The following CDC25A variants were observed in gnomAD, a reference collection of about 807,000 sequenced individuals.
The protein encoded by CDC25A is cell division cycle 25A.
A neutral mutation model predicts 64.6 loss-of-function variants in CDC25A; 17 were observed. That is an observed-to-expected ratio of 0.26 (90% CI 0.18 to 0.39). The LOEUF (loss-of-function observed/expected upper bound fraction) is 0.39, where lower values mean the gene tolerates loss of function less well. Among genes scored for constraint, CDC25A ranks in the 10% least tolerant of loss-of-function variants. The pLI, the probability that CDC25A is intolerant of heterozygous loss-of-function variation, is 1.00. For missense variants in CDC25A, 473 were observed against 654.8 expected (o/e 0.72, Z 3.03); for synonymous variants, 229 against 238.6 (o/e 0.96, Z 0.37).
intron 12 of CDC25A, among the ~76,000 whole-genome samples, chr3:48,164,836 C>T (rs1013367389): frequency 4.0e-5 from 6 of 151,780 alleles, no homozygotes; most frequent in Non-Finnish European, 5.9e-5. Flanking sequence ...GGCCAGGCGC[C>T]GTGGCTCATG....
At chr3:48,171,335 C>G (rs1275622158) in intron 9 of CDC25A, among the ~76,000 whole-genome samples, 1 of 151,584 alleles carries the variant, frequency 6.6e-6, no homozygotes, top group African/African-American at 2.4e-5. Context: ...GATCCTGCCA[C>G]TGCACTCCAG....
intron 7 of CDC25A, 123 bp from the exon 8 acceptor site, chr3:48,177,565 T>C: frequency 2.7e-6 from 2 of 730,776 alleles, no homozygotes; most frequent in East Asian, 2.6e-5. Context: ...ATCCTTAATG[T>C]ACCATCCTAT....
chr3:48,165,114 A>AAAAAAAAAAAAG lies in CDC25A; in HGVS notation c.1191+521_1191+522insCTTTTTTTTTTT, dbSNP rs2031949499. Among the ~76,000 whole-genome samples the AAAAAAAAAAAAG allele has an allele frequency of 2.0e-5, 3 of 150,924 alleles. No individual in the cohort carries two copies. In the South Asian group the frequency reaches 6.3e-4, roughly 32 times the overall value. On this transcript the variant is annotated intron_variant, in intron 12 of 14. Coordinates refer to ENST00000302506, the MANE Select transcript of CDC25A (RefSeq NM_001789.3). ...ACAGAGCGGACTCTGTCTCAAAAAA[A>AAAAAAAAAAAAG]AAAAAAAAAAAAGATTAAAATGGCA...
At position 48,187,950 on chromosome 3, in the gene CDC25A, C is replaced by A. The variant is rs764747002; in HGVS notation, c.-3G>T. 9 of 1,482,634 alleles carry A rather than the reference C, an allele frequency of 6.1e-6. No individual in the cohort carries two copies. The Middle Eastern group carries it at 9.6e-4, about 158-fold the overall frequency. 91.8% of individuals were successfully genotyped at this position (1,482,634 alleles called of 1,614,324 possible). On this transcript the variant is annotated 5_prime_UTR_variant, in exon 1 of 15. Coordinates refer to ENST00000302506, the MANE Select transcript of CDC25A (RefSeq NM_001789.3). ...GGGGGCTCCGGGCCCAGTTCCATGG[C>A]GGCGCCCGGCCTCGCAGAGCTCCCG...
In CDC25A at chr3:48,167,921, C is replaced by T; in HGVS notation, c.954G>A (p.Leu318=). The change falls in exon 10 of 15, where the codon CTG becomes CTA. Residue 318 remains leucine, a synonymous_variant. Coordinates refer to ENST00000302506, the MANE Select transcript of CDC25A (RefSeq NM_001789.3). The part of the protein sequence containing the change: ...AHETLHQSLS[L]ASSPKGTIEN... ...CAATGGTTCCTTTGGGGGAAGATGC[C>T]AGGGATAAAGACTGATGAAGAGTCT... is the stretch of plus-strand genomic sequence containing the variant. 1 of 1,607,844 alleles carries T rather than the reference C, an allele frequency of 6.2e-7. No homozygotes were observed. Among genetic ancestry groups the T allele is most frequent in the Non-Finnish European group, 8.5e-7 (1 of 1,174,528 alleles).
chr3:48,186,652 C>T, intron 2 of CDC25A, 51 bp downstream of exon 2: 1 of 1,149,764 alleles, frequency 8.7e-7, no homozygotes, highest in Non-Finnish European at 1.3e-6. Flanking sequence ...GGTGAAAAGG[C>T]ATGTTTCAGG....
Position 48,157,460 on chromosome 3 carries a change from C to G in CDC25A, c.*1485G>C, listed in dbSNP as rs867885902. 1 of 152,578 alleles carries G rather than the reference C, an allele frequency of 6.6e-6. No individual in the cohort carries two copies. Among genetic ancestry groups the G allele is most frequent in the Non-Finnish European group, 1.5e-5 (1 of 68,048 alleles). 9.5% of individuals were successfully genotyped at this position (152,578 alleles called of 1,614,324 possible). On this transcript the variant is annotated 3_prime_UTR_variant, in exon 15 of 15. Coordinates refer to ENST00000302506, the MANE Select transcript of CDC25A (RefSeq NM_001789.3). ...ATCTCCAGTATCACTGATTCCCACC[C>G]CAAGAAGTTGAGGTAAGAGGGGAGA...
chr3:48,159,115 G>A, intron 14 of CDC25A, 30 bp from the exon 15 acceptor site: 6 of 1,609,814 alleles, frequency 3.7e-6, no homozygotes, highest in Non-Finnish European at 5.1e-6. Flanking sequence ...TAAGGTTAGG[G>A]TACACCTGCC....
At chr3:48,186,158 G>C (rs544179486) in intron 2 of CDC25A, among the ~76,000 whole-genome samples, 1 of 152,322 alleles carries the variant, frequency 6.6e-6, no homozygotes, top group African/African-American at 2.4e-5. Flanking sequence ...CAGTGGTATG[G>C]TGAATTATAC....
intron 8 of CDC25A, among the ~76,000 whole-genome samples, chr3:48,176,550 T>C (rs1408549616): frequency 1.4e-5 from 2 of 146,560 alleles, no homozygotes; most frequent in African/African-American, 4.9e-5. Context: ...TATATATATA[T>C]ATATATATAA....
chr3:48,161,831 C>T (rs1011359053), intron 13 of CDC25A, among the ~76,000 whole-genome samples: 1 of 152,034 alleles, frequency 6.6e-6, no homozygotes, highest in Admixed American at 6.6e-5. Context: ...GAGGCTGAGG[C>T]GGGTAGATCA....
At chr3:48,184,223 G>A (rs1231547174) in intron 3 of CDC25A, among the ~76,000 whole-genome samples, 1 of 152,018 alleles carries the variant, frequency 6.6e-6, no homozygotes, top group Non-Finnish European at 1.5e-5. Flanking sequence ...TTAACCGGGT[G>A]TGGTGGTGCA....
chr3:48,165,948 C>T, intron 10 of CDC25A, 55 bp from the exon 11 acceptor site: 5 of 1,193,198 alleles, frequency 4.2e-6, no homozygotes, highest in South Asian at 3.8e-5. Context: ...ATTATTCACA[C>T]TTATACTGTT....
rs756286568 is a variant in CDC25A, at chr3:48,159,029, G to C, written c.1491C>G (p.Asp497Glu). Residue 497 changes from aspartate to glutamate, a missense_variant, in exon 15 of 15, where the codon GAC (aspartate) becomes GAG (glutamate). Transcript: ENST00000302506. ...GGCTCTTGGTGCGGAACTTCTTCAG[G>C]TCTTCTTTAAAGTCCTCGTGGTGCA... ...RPMHHEDFKE[D>E]LKKFRTKSRT... 8 of 1,613,950 alleles carry C rather than the reference G, an allele frequency of 5.0e-6. No homozygotes were observed. Among genetic ancestry groups the C allele is most frequent in the South Asian group, 1.1e-5 (1 of 91,074 alleles).
intron 12 of CDC25A, among the ~76,000 whole-genome samples, chr3:48,164,772 G>A (rs1158511176): frequency 1.3e-5 from 2 of 152,072 alleles, no homozygotes; most frequent in Non-Finnish European, 2.9e-5. Flanking sequence ...CGTATTTAAA[G>A]TACCTCCTTA....
In CDC25A at chr3:48,187,837, C is replaced by G; in HGVS notation, c.111G>C (p.Gly37=). Residue 37 remains glycine, a synonymous_variant, in exon 1 of 15, where the codon GGG becomes GGC. Coordinates refer to ENST00000302506, the MANE Select transcript of CDC25A (RefSeq NM_001789.3). ...VKALFGASAA[G]GLSPVTNLTV... ...TCAGGTTGGTGACAGGCGACAGTCCCCCGGCGGCTGAAGCGCCAAATAGCG... is the reference window on the plus strand; with the variant it reads ...TCAGGTTGGTGACAGGCGACAGTCCGCCGGCGGCTGAAGCGCCAAATAGCG... 1 of 1,548,986 alleles carries G rather than the reference C, an allele frequency of 6.5e-7. No homozygotes were observed. The highest frequency in any genetic ancestry group is 8.7e-7 in the Non-Finnish European group (1 of 1,145,958).
chr3:48,178,526 C>A (rs1253883144), intron 6 of CDC25A, among the ~76,000 whole-genome samples: 2 of 152,174 alleles, frequency 1.3e-5, no homozygotes, highest in African/African-American at 4.8e-5. Context: ...TTACTGTGTG[C>A]CAGATACTAC....
chr3:48,188,095 GC>G lies in CDC25A; in HGVS notation c.-149del. On this transcript the variant is annotated 5_prime_UTR_variant, in exon 1 of 15. Coordinates refer to ENST00000302506, the MANE Select transcript of CDC25A (RefSeq NM_001789.3). ...GACTCCGCGGTTCAGGGACGCGGCT[GC>G]CGCGGGCAAGCGGCGCGGCCGGGCG... 1 of 616,752 alleles carries G rather than the reference GC, an allele frequency of 1.6e-6. No homozygotes were observed. The highest frequency in any genetic ancestry group is 2.3e-6 in the Non-Finnish European group (1 of 434,264). The allele number at this position is 616,752 out of a possible 1,614,324, so 38.2% of individuals were successfully genotyped here. A position where few individuals can be genotyped will look rare whatever the true frequency, so the allele number is the denominator to read the frequency against.
intron 5 of CDC25A, among the ~76,000 whole-genome samples, chr3:48,181,134 T>C (rs2032653075): frequency 6.6e-6 from 1 of 152,018 alleles, no homozygotes; most frequent in African/African-American, 2.4e-5. Context: ...AAAGCAAAAA[T>C]AAATAAAATC....
Sources: gnomAD v4.1 joint callset for allele counts (sites outside exome capture counted in the v4.1 genomes callset) on GRCh38, gnomAD v4.1.1 for gene constraint, MANE v1.5 for transcripts, NCBI Gene and HGNC (gene_info 2026-07-23, HGNC 2026-07-21) for gene names.